FEZ1: variants seen among roughly 807,000 people sequenced by gnomAD.
FEZ1 encodes fasciculation and elongation protein zeta 1.
Under a neutral mutation model 49.3 loss-of-function variants are expected in FEZ1, and 20 were observed. That is an observed-to-expected ratio of 0.41 (90% confidence interval 0.29 to 0.59). The LOEUF (loss-of-function observed/expected upper bound fraction) is 0.59. Among genes scored for constraint, FEZ1 ranks in the 20% least tolerant of loss-of-function variants. FEZ1 has a pLI of 0.36. For missense variants in FEZ1, 413 were observed against 476.0 expected (o/e 0.87, Z 1.23); for synonymous variants, 170 against 180.9 (o/e 0.94, Z 0.48).
chr11:125,452,779 A>C (rs1956969660), intron 7 of FEZ1: 2 of 176,650 alleles, frequency 1.1e-5, no homozygotes, highest in Non-Finnish European at 2.4e-5. Context: ...TTTGTCAAAA[A>C]AGATATGCAA....
At chr11:125,487,903 C>T (rs550919982) in intron 2 of FEZ1, among the ~76,000 whole-genome samples, 9 of 152,292 alleles carry the variant, frequency 5.9e-5, no homozygotes, top group Admixed American at 5.2e-4. Context: ...ATAAGCAACC[C>T]TCTCCCAAAT....
chr11:125,480,444 A>T (rs1336346863), intron 3 of FEZ1, among the ~76,000 whole-genome samples: 1 of 152,044 alleles, frequency 6.6e-6, no homozygotes, highest in East Asian at 1.9e-4. Flanking sequence ...TCTGGGCCCC[A>T]CCTCTGGCCA....
chr11:125,455,783 G>C (rs1957004824), intron 6 of FEZ1, 52 bp downstream of exon 6: 1 of 1,595,892 alleles, frequency 6.3e-7, no homozygotes, highest in African/African-American at 1.3e-5. Flanking sequence ...CACTGAAACG[G>C]GCAGGGTTGG....
chr11:125,477,765 T>C (rs1957244865), intron 3 of FEZ1, among the ~76,000 whole-genome samples: 1 of 151,910 alleles, frequency 6.6e-6, no homozygotes, highest in Non-Finnish European at 1.5e-5. Flanking sequence ...GGCACTGGCC[T>C]GGCTCTCCCC....
chr11:125,481,282 G>C (rs1312632595), intron 3 of FEZ1, among the ~76,000 whole-genome samples: 2 of 151,826 alleles, frequency 1.3e-5, no homozygotes, highest in East Asian at 3.9e-4. Context: ...TGAGTAGCTG[G>C]GACCACAAGC....
At position 125,444,585 on chromosome 11, in the gene FEZ1, GA is replaced by G. The variant is rs569238521; in HGVS notation, c.*1509del. 1.8e-4 allele frequency among the ~76,000 whole-genome samples: 26 copies of G among 144,736 alleles called. No individual in the cohort carries two copies. The highest frequency in any genetic ancestry group is 2.5e-4 in the African/African-American group (10 of 39,660). The allele number at this position is 144,736 out of a possible 152,430, so 95.0% of individuals were successfully genotyped here. ...GAGCAACAAGAGTCAAACTCCGTCTGAAAAAAAAAAAGCAGAGGCCCAGGAA... is the reference window on the plus strand; with the variant it reads ...GAGCAACAAGAGTCAAACTCCGTCTGAAAAAAAAAAGCAGAGGCCCAGGAA... On this transcript the variant is annotated 3_prime_UTR_variant, in exon 10 of 10. Coordinates refer to ENST00000278919, the MANE Select transcript of FEZ1 (RefSeq NM_005103.5).
intron 6 of FEZ1, 134 bp from the exon 7 acceptor site, chr11:125,454,344 T>A: frequency 1.8e-6 from 1 of 557,106 alleles, no homozygotes; most frequent in Non-Finnish European, 3.1e-6. Context: ...TGTAAGACAC[T>A]GGCTTACAGA....
In FEZ1 at chr11:125,445,988, T is replaced by C. The variant is rs1438088006; in HGVS notation, c.*107A>G. 9 of 1,150,754 alleles carry C rather than the reference T, an allele frequency of 7.8e-6. No individual in the cohort carries two copies. In the East Asian group the frequency reaches 1.6e-4, roughly 21 times the overall value. The allele number at this position is 1,150,754 out of a possible 1,614,324, so 71.3% of individuals were successfully genotyped here. ...CTCGTGTTTAATCCAGGTTAAGCTA[T>C]ACACGTTTAAATACATGTCGGAGGT... On this transcript the variant is annotated 3_prime_UTR_variant, in exon 10 of 10. Coordinates refer to ENST00000278919, the MANE Select transcript of FEZ1 (RefSeq NM_005103.5). The surrounding 1 kb of genome is among the most constrained non-coding windows in gnomAD (Gnocchi z 4.4).
In FEZ1 at chr11:125,456,366, T is replaced by C. The variant is rs562034696; in HGVS notation, c.668-260A>G. The C allele has an allele frequency of 2.7e-5, 11 of 407,284 alleles. No homozygotes were observed. The South Asian group carries it at 7.7e-4, about 28-fold the overall frequency. 25.2% of individuals were successfully genotyped at this position (407,284 alleles called of 1,614,324 possible). ...ACAGCCCACGAGGAAGTCTGTGGAC[T>C]CTATTCTCAAAAATGGGGATGGTTT... On this transcript the variant is annotated intron_variant, in intron 5 of 9. Transcript: ENST00000278919.
intron 3 of FEZ1, among the ~76,000 whole-genome samples, chr11:125,479,366 A>G (rs1430191829): frequency 6.6e-6 from 1 of 152,210 alleles, no homozygotes; most frequent in East Asian, 1.9e-4. Flanking sequence ...ACTTAGAAAG[A>G]TTAGACCCAT....
In FEZ1 at chr11:125,490,455, A is replaced by G. The variant is rs188035884; in HGVS notation, c.-45-633T>C. Reference sequence around the variant, plus strand: ...AATGCGGAATGTACACTCTATTACTACTTTCCAAAATCTGAAATAATCTGA... The same window carrying G: ...AATGCGGAATGTACACTCTATTACTGCTTTCCAAAATCTGAAATAATCTGA... On this transcript the variant is annotated intron_variant, in intron 1 of 9. Coordinates refer to ENST00000278919, the MANE Select transcript of FEZ1 (RefSeq NM_005103.5). Among the ~76,000 whole-genome samples, 6 of 152,348 alleles carry G rather than the reference A, an allele frequency of 3.9e-5. No individual in the cohort carries two copies. The East Asian group carries it at 1.2e-3, about 29-fold the overall frequency.
chr11:125,456,355 A>C (rs2135743928), intron 5 of FEZ1: 1 of 423,836 alleles, frequency 2.4e-6, no homozygotes, highest in South Asian at 9.4e-5. Context: ...CCCACGAGGA[A>C]GTCTGTGGAC....
chr11:125,481,026 G>A (rs1054864045), intron 3 of FEZ1, among the ~76,000 whole-genome samples: 14 of 149,826 alleles, frequency 9.3e-5, no homozygotes, highest in Middle Eastern at 3.4e-3. Context: ...GCAACAGAGC[G>A]AGATTCCATC....
At chr11:125,470,698 T>C (rs1303067766) in intron 3 of FEZ1, among the ~76,000 whole-genome samples, 1 of 152,098 alleles carries the variant, frequency 6.6e-6, no homozygotes, top group Non-Finnish European at 1.5e-5. Context: ...CTGTCACCTG[T>C]GGCTCTACAC....
chr11:125,479,847 T>A (rs549941384), intron 3 of FEZ1, among the ~76,000 whole-genome samples: 2 of 152,366 alleles, frequency 1.3e-5, no homozygotes, highest in East Asian at 3.9e-4. Context: ...TAGTCTAACG[T>A]ATCCTGTTAC....
rs764077429 is a variant in FEZ1 at position 125,495,359 on chromosome 11, C to T, written c.-46+762G>A. The T allele has an allele frequency of 3.6e-5, 17 of 470,272 alleles. No homozygotes were observed. The highest frequency in any genetic ancestry group is 2.6e-4 in the South Asian group (17 of 64,430). 29.1% of individuals were successfully genotyped at this position (470,272 alleles called of 1,614,324 possible). A position where few individuals can be genotyped will look rare whatever the true frequency, so the allele number is the denominator to read the frequency against. On this transcript the variant is annotated intron_variant, in intron 1 of 9. Transcript: ENST00000278919. The surrounding 1 kb of genome is among the most constrained non-coding windows in gnomAD (Gnocchi z 4.2). The stretch of plus-strand genomic sequence containing the variant: ...TAGCGGCGAGGAGAGAAGGGATAGG[C>T]AAAAGGGAAGAAGAGCGGGCTGTGA...
Position 125,454,119 on chromosome 11 carries a change from A to C in FEZ1, c.1020+11T>G, listed in dbSNP as rs780534780. On this transcript the variant is annotated intron_variant, in intron 7 of 9. Coordinates refer to ENST00000278919, the MANE Select transcript of FEZ1 (RefSeq NM_005103.5). ...TAGGAAGAGAGCTTGGAGCAGGGAG[A>C]CTACGCGTACCTGTTTGTCAGTTCC... 6.4e-5 allele frequency: 103 copies of C among 1,605,472 alleles called. No individual in the cohort carries two copies. Among genetic ancestry groups the C allele is most frequent in the Non-Finnish European group, 8.3e-5 (98 of 1,173,694 alleles).
intron 8 of FEZ1, among the ~76,000 whole-genome samples, chr11:125,449,759 G>A (rs558032623): frequency 1.8e-4 from 28 of 152,224 alleles, no homozygotes; most frequent in Admixed American, 1.4e-3. Context: ...TGCAACAGTG[G>A]GATTGCCACT....
rs1053504307 is a variant in FEZ1, at chr11:125,495,253, C to G, written c.-46+868G>C. ...CACTCTGAGGAAGCCGGACTCATCC[C>G]GTGCAGGCCGCATACACACTCCACT... On this transcript the variant is annotated intron_variant, in intron 1 of 9. Coordinates refer to ENST00000278919, the MANE Select transcript of FEZ1 (RefSeq NM_005103.5). The surrounding 1 kb of genome is among the most constrained non-coding windows in gnomAD (Gnocchi z 4.2). 1.3e-5 allele frequency: 5 copies of G among 399,354 alleles called. No homozygotes were observed. The highest frequency in any genetic ancestry group is 2.7e-5 in the Non-Finnish European group (5 of 188,600). 24.7% of individuals were successfully genotyped at this position (399,354 alleles called of 1,614,324 possible).
Sources: gnomAD v4.1 joint callset for allele counts (sites outside exome capture counted in the v4.1 genomes callset) on GRCh38, gnomAD v4.1.1 for gene constraint, Gnocchi (gnomAD v3.1) non-coding constraint, MANE v1.5 for transcripts, NCBI Gene and HGNC (gene_info 2026-07-23, HGNC 2026-07-21) for gene names.